The following RUBCN variants were observed in gnomAD, a reference collection of about 807,000 sequenced individuals.
RUBCN encodes run domain Beclin-1-interacting and cysteine-rich domain-containing protein.
Under a neutral mutation model 113.2 loss-of-function variants are expected in RUBCN, and 74 were observed. That is an observed-to-expected ratio of 0.65 (90% CI 0.54 to 0.79). RUBCN has a LOEUF of 0.79. Among genes scored for constraint, RUBCN ranks in the 30% least tolerant of loss-of-function variants. RUBCN has a pLI of 0.00. For missense variants in RUBCN, 1,109 were observed against 1,251.7 expected, an observed-to-expected ratio of 0.89 and a Z score of 1.72; for synonymous variants, 480 against 490.0, an observed-to-expected ratio of 0.98 and a Z score of 0.27.
chr3:197,675,475 T>C lies in RUBCN; in HGVS notation c.2687A>G (p.Asn896Ser), dbSNP rs1447133744. Residue 896 changes from asparagine (N) to serine (S), a missense_variant, in exon 19 of 20, where the codon AAT becomes AGT. Around this residue, in one of 3 missense-constraint regions of RUBCN, gnomAD observed 306 missense variants for 348.9 expected, o/e 0.88. Transcript: ENST00000296343. The surrounding 1 kb of genome is among the most constrained non-coding windows in gnomAD (Gnocchi z 4.4). ...AAAGGGAAAGATGATGTCATCCTCA[T>C]TCTGACAGAACTCACAGATGAAGCC... ...AKGFICEFCQ[N>S]EDDIIFPFEL... 1.9e-6 allele frequency: 3 copies of C among 1,614,016 alleles called. No individual in the cohort carries two copies. Among genetic ancestry groups the C allele is most frequent in the East Asian group, 2.2e-5 (1 of 44,896 alleles).
chr3:197,711,099 C>T (rs775186795), intron 2 of RUBCN, among the ~76,000 whole-genome samples: 1 of 152,252 alleles, frequency 6.6e-6, no homozygotes, highest in Non-Finnish European at 1.5e-5. Context: ...ACTGGGATTA[C>T]AGGCGTGAGC....
At chr3:197,684,670 A>G (rs142918125) in intron 11 of RUBCN, among the ~76,000 whole-genome samples, 1 of 151,618 alleles carries the variant, frequency 6.6e-6, no homozygotes, top group Non-Finnish European at 1.5e-5. Context: ...ATATATATAT[A>G]CACACACACA....
chr3:197,690,960 C>T, intron 11 of RUBCN: 1 of 520,378 alleles, frequency 1.9e-6, no homozygotes, highest in Non-Finnish European at 3.4e-6. Flanking sequence ...GTTCTCCAGC[C>T]CCTACAGTCC....
At position 197,694,522 on chromosome 3, in the gene RUBCN, T is replaced by C. The variant is rs776196012; in HGVS notation, c.1537A>G (p.Met513Val). ...TCCTCCTCTAGGCACTGGCTCATCA[T>C]GTTGCACTTCATTAGCTCGATGGCA... ...IAAIELMKCN[M>V]MSQCLEEEEV... The change falls in exon 10 of 20, where the codon ATG becomes GTG. Residue 513 changes from methionine to valine, a missense_variant. By Grantham distance (21) the Met-to-Val change is conservative (BLOSUM62 1). This residue lies in a region of RUBCN where 736 missense variants were observed against 779.6 expected (regional missense o/e 0.94). Transcript: ENST00000296343. The C allele has an allele frequency of 2.5e-6, 4 of 1,614,136 alleles. No homozygotes were observed. Among genetic ancestry groups the C allele is most frequent in the South Asian group, 1.1e-5 (1 of 91,092 alleles).
At chr3:197,714,808 A>AT (rs910992031) in intron 2 of RUBCN, among the ~76,000 whole-genome samples, 44 of 150,392 alleles carry the variant, frequency 2.9e-4, no homozygotes, top group South Asian at 4.2e-4. Flanking sequence ...GTGAGGTCTG[A>AT]TTTTTTTTTT....
At chr3:197,718,945 T>C (rs1725837000) in intron 1 of RUBCN, among the ~76,000 whole-genome samples, 1 of 152,226 alleles carries the variant, frequency 6.6e-6, no homozygotes, top group African/African-American at 2.4e-5. Context: ...GATTATACCG[T>C]AAGAAACGGC....
chr3:197,675,323 T>C lies in RUBCN; in HGVS notation c.2740+99A>G. The C allele has an allele frequency of 6.7e-7, 1 of 1,502,702 alleles. No individual in the cohort carries two copies. Among genetic ancestry groups the C allele is most frequent in the Non-Finnish European group, 9.3e-7 (1 of 1,080,894 alleles). 93.1% of individuals were successfully genotyped at this position (1,502,702 alleles called of 1,614,324 possible). ...TGTCCCCTGGGGAGGCCCCGCGAGG[T>C]GCTGAGTGGCACCGAACTCTTGCTA... is the stretch of plus-strand genomic sequence containing the variant. On this transcript the variant is annotated intron_variant, in intron 19 of 19. Transcript: ENST00000296343. The surrounding 1 kb of genome is among the most constrained non-coding windows in gnomAD (Gnocchi z 4.4).
At chr3:197,678,868 TCTAA>T (rs1230515349) in intron 16 of RUBCN, among the ~76,000 whole-genome samples, 301 of 146,056 alleles carry the variant, frequency 2.1e-3, no homozygotes, top group Middle Eastern at 4.0e-3. Context: ...TGTCCTACGC[TCTAA>T]CTGACAACTG....
chr3:197,719,110 C>A (rs1725856729), intron 1 of RUBCN, among the ~76,000 whole-genome samples: 2 of 152,162 alleles, frequency 1.3e-5, no homozygotes, highest in Admixed American at 1.3e-4. Context: ...GAGAATCAGT[C>A]TGACTCATGA....
At chr3:197,731,621 GC>G (rs1727486384) in intron 1 of RUBCN, among the ~76,000 whole-genome samples, 4 of 151,514 alleles carry the variant, frequency 2.6e-5, no homozygotes, top group African/African-American at 9.7e-5. Context: ...GCCGGGCGGG[GC>G]CTGACCCCCC....
chr3:197,689,097 C>T (rs987189014), intron 11 of RUBCN, among the ~76,000 whole-genome samples: 4 of 151,094 alleles, frequency 2.6e-5, no homozygotes, highest in Non-Finnish European at 5.9e-5. Flanking sequence ...ATGATCATGG[C>T]TCACTGTAGC....
chr3:197,733,763 C>G (rs1727789132), intron 1 of RUBCN, among the ~76,000 whole-genome samples: 1 of 152,172 alleles, frequency 6.6e-6, no homozygotes, highest in South Asian at 2.1e-4. Flanking sequence ...GATAACCCCA[C>G]TACTAAAATT....
chr3:197,703,454 A>G, intron 5 of RUBCN, 94 bp downstream of exon 5: 1 of 732,988 alleles, frequency 1.4e-6, no homozygotes, highest in Admixed American at 2.2e-5. Context: ...CAGCTCACAA[A>G]AATGGCTAAG....
chr3:197,676,067 T>C, intron 18 of RUBCN: 1 of 439,672 alleles, frequency 2.3e-6, no homozygotes. Context: ...TTCAACATGT[T>C]GAGTAGATGA....
At chr3:197,702,624 C>T (rs1302758626) in intron 5 of RUBCN, among the ~76,000 whole-genome samples, 1 of 152,144 alleles carries the variant, frequency 6.6e-6, no homozygotes, top group Non-Finnish European at 1.5e-5. Context: ...GATCATGCCA[C>T]TGCATTCCAG....
chr3:197,692,274 C>T (rs2108878878), intron 11 of RUBCN, among the ~76,000 whole-genome samples: 1 of 152,048 alleles, frequency 6.6e-6, no homozygotes, highest in Middle Eastern at 3.4e-3. Context: ...GAGGGTGGTG[C>T]CCCAGACACC....
upstream of RUBCN, among the ~76,000 whole-genome samples, chr3:197,740,146 A>G (rs969112320): frequency 6.6e-6 from 1 of 152,228 alleles, no homozygotes; most frequent in Non-Finnish European, 1.5e-5. Context: ...TTTTCTTTAA[A>G]GCCATTAATA....
chr3:197,729,221 C>A (rs1727120289), intron 1 of RUBCN, among the ~76,000 whole-genome samples: 2 of 150,662 alleles, frequency 1.3e-5, no homozygotes, highest in Non-Finnish European at 3.0e-5. Context: ...AATGGGAAAA[C>A]CACTGAACAT....
chr3:197,691,979 C>T (rs1722472454), intron 11 of RUBCN, among the ~76,000 whole-genome samples: 1 of 152,068 alleles, frequency 6.6e-6, no homozygotes, highest in Non-Finnish European at 1.5e-5. Context: ...ACGCCCCTTT[C>T]AATCATACCT....
Sources: allele counts gnomAD v4.1 joint callset (sites outside exome capture counted in the v4.1 genomes callset), GRCh38; gene constraint gnomAD v4.1.1; regional missense constraint gnomAD v4.1.1; non-coding constraint Gnocchi (gnomAD v3.1); transcripts MANE v1.5; gene names NCBI Gene and HGNC (gene_info 2026-07-23, HGNC 2026-07-21).